The following BTBD3 variants were observed in gnomAD, a reference collection of about 807,000 sequenced individuals.
The protein encoded by BTBD3 is BTB domain containing 3.
In BTBD3, 14 loss-of-function variants were observed where a neutral mutation model predicts 41.6. The ratio of observed to expected loss-of-function variants is 0.34; its 90% CI spans 0.22 to 0.53. BTBD3 has a LOEUF of 0.53. Among genes scored for constraint, BTBD3 ranks in the 20% least tolerant of loss-of-function variants. The probability of loss-of-function intolerance (pLI) is 0.95; values close to 1 mark genes in which losing one functional copy is unlikely to be tolerated. For synonymous variants in BTBD3, 249 were observed against 233.7 expected (o/e 1.07, Z -0.60); for missense variants, 426 against 654.7 (o/e 0.65, Z 3.81).
upstream of BTBD3, among the ~76,000 whole-genome samples, chr20:11,914,646 G>A (rs1194916786): frequency 2.6e-5 from 4 of 151,314 alleles, no homozygotes; most frequent in East Asian, 5.8e-4. Context: ...AAAAAAAAAA[G>A]AAAAGAACCT....
Position 11,923,423 on chromosome 20 carries a change from C to G in BTBD3, c.1326C>G (p.Tyr442Ter). 1 of 1,614,210 alleles carries G rather than the reference C, an allele frequency of 6.2e-7. No individual in the cohort carries two copies. ...GVVLGQNLSK[Y>*]FSDGSSNTFP... ...TCCTGGGGCAGAACTTGAGCAAGTA[C>G]TTCTCAGATGGGTCCAGCAATACCT... The change falls in exon 4 of 4, where the codon TAC (tyrosine) becomes TAG (stop). Residue 442 changes from tyrosine to a stop codon, truncating the protein, a stop_gained. Transcript: ENST00000378226. LOFTEE classifies it high-confidence loss of function. The surrounding 1 kb of genome is among the most constrained non-coding windows in gnomAD (Gnocchi z 5.3).
At chr20:11,894,353 C>T (rs2056773750) in intron 1 of BTBD3, among the ~76,000 whole-genome samples, 2 of 152,222 alleles carry the variant, frequency 1.3e-5, no homozygotes, top group South Asian at 4.1e-4. Flanking sequence ...ACTCTTGTGG[C>T]TTGTTGCCAA....
In BTBD3 at chr20:11,903,687, A is replaced by G. The variant is rs535570411; in HGVS notation, c.-126+12733A>G. Among the ~76,000 whole-genome samples, 10 of 151,848 alleles carry G rather than the reference A, an allele frequency of 6.6e-5. No individual in the cohort carries two copies. In the South Asian group the frequency reaches 1.9e-3, roughly 29 times the overall value. ...AGTGGCATGATCTCGGCTCACTGCA[A>G]CCTCCACCTCCCTGGTTCAAGTGAT... On this transcript the variant is annotated intron_variant, in intron 1 of 4. Transcript: ENST00000254977.
intron 1 of BTBD3, among the ~76,000 whole-genome samples, chr20:11,896,561 T>A (rs1230427474): frequency 6.6e-6 from 1 of 152,230 alleles, no homozygotes; most frequent in East Asian, 1.9e-4. Context: ...TTTATTGTTC[T>A]TTATTTTAGT....
In BTBD3 at chr20:11,922,764, A is replaced by G; in HGVS notation, c.667A>G (p.Lys223Glu). ...TTTCCTGGAGACCAGCCTGAGTGCC[A>G]AGAATGCCTGTGTGCTCCTCTCCCA... ...VNFLETSLSA[K>E]NACVLLSQSC... is the part of the protein sequence containing the mutation. The change falls in exon 4 of 4, where the codon AAG becomes GAG. Residue 223 changes from lysine (K) to glutamate (E), a missense_variant. Coordinates refer to ENST00000378226, the MANE Select transcript of BTBD3 (RefSeq NM_014962.4). 1 of 1,614,206 alleles carries G rather than the reference A, an allele frequency of 6.2e-7. No individual in the cohort carries two copies. The highest frequency in any genetic ancestry group is 8.5e-7 in the Non-Finnish European group (1 of 1,180,036).
chr20:11,908,113 G>C (rs1274477133), intron 1 of BTBD3, among the ~76,000 whole-genome samples: 1 of 152,076 alleles, frequency 6.6e-6, no homozygotes, highest in Non-Finnish European at 1.5e-5. Flanking sequence ...CATCACCCAG[G>C]TCTCCTATAC....
chr20:11,897,138 G>T (rs752419321), intron 1 of BTBD3, among the ~76,000 whole-genome samples: 24 of 152,058 alleles, frequency 1.6e-4, no homozygotes, highest in Non-Finnish European at 3.4e-4. Context: ...ACCAGCCTAT[G>T]AATTTAGAAT....
chr20:11,919,641 A>T, intron 2 of BTBD3, 77 bp from the exon 3 acceptor site: 1 of 1,413,444 alleles, frequency 7.1e-7, no homozygotes, highest in Admixed American at 1.7e-5. Flanking sequence ...CTGATTGCCT[A>T]GTGTTGTTTT....
chr20:11,918,375 A>G lies in BTBD3; in HGVS notation c.100A>G (p.Asn34Asp). 1 of 1,614,166 alleles carries G rather than the reference A, an allele frequency of 6.2e-7. No homozygotes were observed. The highest frequency in any genetic ancestry group is 8.5e-7 in the Non-Finnish European group (1 of 1,180,014). The change falls in exon 1 of 4, where the codon AAT (asparagine) becomes GAT (aspartate). Residue 34 changes from asparagine to aspartate, a missense_variant. Physicochemically the swap from Asn to Asp is conservative, Grantham distance 23 (BLOSUM62 1). This residue lies in a region of BTBD3 where 53 missense variants were observed against 74.8 expected (regional missense o/e 0.71). Coordinates refer to ENST00000378226, the MANE Select transcript of BTBD3 (RefSeq NM_014962.4). ...GTCCAAGAAAAGCTCAAAGAAAGCA[A>G]ATACCAGCAGCAGCAGTAGCAACAG... ...NRSKKSSKKA[N>D]TSSSSSNSSK... is the part of the protein sequence containing the mutation.
upstream of BTBD3, among the ~76,000 whole-genome samples, chr20:11,915,243 A>G (rs890218353): frequency 2.0e-5 from 3 of 152,290 alleles, no homozygotes; most frequent in African/African-American, 7.2e-5. Context: ...CTTCCTTTCC[A>G]GAGAATATCT....
chr20:11,915,733 G>GC (rs2056913961), upstream of BTBD3, among the ~76,000 whole-genome samples: 1 of 152,106 alleles, frequency 6.6e-6, no homozygotes, highest in Admixed American at 6.6e-5. Context: ...GAGTAATAAT[G>GC]CCCTTCTTTG....
At chr20:11,920,311 A>G (rs1347754905) in intron 3 of BTBD3, among the ~76,000 whole-genome samples, 1 of 152,190 alleles carries the variant, frequency 6.6e-6, no homozygotes, top group Non-Finnish European at 1.5e-5. Context: ...CCATCTGTTG[A>G]AATAATCTGA....
In BTBD3 at chr20:11,923,652, A is replaced by C. The variant is rs1403677134; in HGVS notation, c.1555A>C (p.Ile519Leu). Residue 519 changes from isoleucine (I) to leucine (L), a missense_variant, in exon 4 of 4, where the codon ATA (isoleucine) becomes CTA (leucine). This residue lies in a region of BTBD3 where 321 missense variants were observed against 534.8 expected (regional missense o/e 0.60). Transcript: ENST00000378226. The surrounding 1 kb of genome is among the most constrained non-coding windows in gnomAD (Gnocchi z 5.3). ...ACAGGGAGGGCAGATCCCTGAACTTATATTCTATGCTTGAAAACTCACTTC... is the reference window on the plus strand; with the variant it reads ...ACAGGGAGGGCAGATCCCTGAACTTCTATTCTATGCTTGAAAACTCACTTC... ...GVQGGQIPEL[I>L]FYA is the part of the protein sequence containing the mutation. 2 of 1,599,078 alleles carry C rather than the reference A, an allele frequency of 1.3e-6. No individual in the cohort carries two copies. Among genetic ancestry groups the C allele is most frequent in the South Asian group, 2.3e-5 (2 of 88,120 alleles).
At chr20:11,897,843 T>G (rs1214570564) in intron 1 of BTBD3, among the ~76,000 whole-genome samples, 3 of 152,200 alleles carry the variant, frequency 2.0e-5, no homozygotes, top group African/African-American at 7.2e-5. Context: ...TAAAGGCCAG[T>G]GTTCTTATGA....
chr20:11,925,362 C>T lies in BTBD3; in HGVS notation c.*1696C>T, dbSNP rs984071343. 5 of 152,704 alleles carry T rather than the reference C, an allele frequency of 3.3e-5. No homozygotes were observed. The highest frequency in any genetic ancestry group is 9.6e-5 in the African/African-American group (4 of 41,462). The allele number at this position is 152,704 out of a possible 1,614,324, so 9.5% of individuals were successfully genotyped here. A position where few individuals can be genotyped will look rare whatever the true frequency, so the allele number is the denominator to read the frequency against. On this transcript the variant is annotated 3_prime_UTR_variant, in exon 4 of 4. Coordinates refer to ENST00000378226, the MANE Select transcript of BTBD3 (RefSeq NM_014962.4). ...TGACGTATTCACTGTGCCTCTGGGC[C>T]ACTTCTTCCCCTGTAGATGTGGGCT...
intron 1 of BTBD3, among the ~76,000 whole-genome samples, chr20:11,906,254 C>CTT (rs3071747): frequency 0.018 from 648 of 36,106 alleles, 147 homozygotes; most frequent in African/African-American, 0.037. Context: ...ATTATTACTC[C>CTT]TTTTTTTTTT....
chr20:11,918,245 A>C lies in BTBD3; in HGVS notation c.-31A>C. The C allele has an allele frequency of 6.6e-7, 1 of 1,521,158 alleles. No individual in the cohort carries two copies. Among genetic ancestry groups the C allele is most frequent in the Non-Finnish European group, 8.7e-7 (1 of 1,143,430 alleles). 94.2% of individuals were successfully genotyped at this position (1,521,158 alleles called of 1,614,324 possible). On this transcript the variant is annotated 5_prime_UTR_variant, in exon 1 of 4. Coordinates refer to ENST00000378226, the MANE Select transcript of BTBD3 (RefSeq NM_014962.4). ...CTTGATGTTCAAACCAATTTGGGAT[A>C]TCTAACTCTAAAGAGAGACACACTG...
At chr20:11,900,240 T>A (rs2056815581) in intron 1 of BTBD3, among the ~76,000 whole-genome samples, 1 of 152,240 alleles carries the variant, frequency 6.6e-6, no homozygotes, top group African/African-American at 2.4e-5. Flanking sequence ...CTCATTCTTT[T>A]GAAAATAGTG....
intron 1 of BTBD3, among the ~76,000 whole-genome samples, chr20:11,911,708 T>C (rs376154811): frequency 6.6e-6 from 1 of 152,218 alleles, no homozygotes; most frequent in African/African-American, 2.4e-5. Context: ...AACTTAGCAA[T>C]TGGTTGCCTT....
Sources: allele counts gnomAD v4.1 joint callset (sites outside exome capture counted in the v4.1 genomes callset), GRCh38; gene constraint gnomAD v4.1.1; regional missense constraint gnomAD v4.1.1; non-coding constraint Gnocchi (gnomAD v3.1); transcripts MANE v1.5; gene names NCBI Gene and HGNC (gene_info 2026-07-23, HGNC 2026-07-21).